Variants in ADAMTSL1 observed in about 807,000 individuals in gnomAD.
ADAMTSL1 encodes the protein ADAMTS like 1.
In ADAMTSL1, 126 loss-of-function variants were observed where a neutral mutation model predicts 201.8. That is an observed-to-expected ratio of 0.62 (90% CI 0.54 to 0.72). The LOEUF (loss-of-function observed/expected upper bound fraction) is 0.72, where lower values mean the gene tolerates loss of function less well. Ranked by LOEUF, ADAMTSL1 falls within the 30% of genes least tolerant of loss-of-function variation. The pLI is 0.00. For missense variants in ADAMTSL1, 2,679 were observed against 2,277.8 expected (o/e 1.18, Z -3.59); for synonymous variants, 1,121 against 903.4 (o/e 1.24, Z -4.32).
At chr9:18,725,743 C>G (rs1050303493) in intron 15 of ADAMTSL1, among the ~76,000 whole-genome samples, 4 of 152,112 alleles carry the variant, frequency 2.6e-5, no homozygotes, top group Non-Finnish European at 5.9e-5. Flanking sequence ...AGTTCTAGTT[C>G]CTTCTTATAC....
At chr9:18,199,934 G>C (rs1339657055) in intron 2 of ADAMTSL1, among the ~76,000 whole-genome samples, 2 of 151,948 alleles carry the variant, frequency 1.3e-5, no homozygotes, top group South Asian at 2.1e-4. Flanking sequence ...GTGGTCATTA[G>C]TCTTATATAA....
chr9:18,189,914 A>G (rs1828901343), intron 2 of ADAMTSL1, among the ~76,000 whole-genome samples: 1 of 152,232 alleles, frequency 6.6e-6, no homozygotes, highest in Non-Finnish European at 1.5e-5. Flanking sequence ...AGTAAGTCAA[A>G]TAAGCATATT....
chr9:18,718,150 C>G (rs1833078189), intron 14 of ADAMTSL1: 1 of 853,380 alleles, frequency 1.2e-6, no homozygotes, highest in Non-Finnish European at 2.1e-6. Context: ...TCTTCCTTCC[C>G]TACAGCTCTT....
chr9:18,261,623 G>A (rs1385265472), intron 2 of ADAMTSL1, among the ~76,000 whole-genome samples: 2 of 152,154 alleles, frequency 1.3e-5, no homozygotes, highest in East Asian at 3.8e-4. Flanking sequence ...ACAGTTAAAG[G>A]TGCTGGATTA....
intron 7 of ADAMTSL1, among the ~76,000 whole-genome samples, chr9:18,646,159 T>C (rs1307952685): frequency 1.3e-5 from 2 of 151,796 alleles, no homozygotes; most frequent in East Asian, 1.9e-4. Context: ...CAATTGTGAA[T>C]CGGAGTTCAC....
chr9:18,093,213 G>A (rs1162689470), intron 1 of ADAMTSL1, among the ~76,000 whole-genome samples: 1 of 151,914 alleles, frequency 6.6e-6, no homozygotes, highest in Non-Finnish European at 1.5e-5. Flanking sequence ...AAGAAATATA[G>A]TAAAGAAAAA....
At chr9:18,618,760 G>T (rs959887076) in intron 4 of ADAMTSL1, among the ~76,000 whole-genome samples, 1 of 152,118 alleles carries the variant, frequency 6.6e-6, no homozygotes, top group Non-Finnish European at 1.5e-5. Flanking sequence ...GCATTCCCCA[G>T]CCAAGTCAGC....
At chr9:18,710,044 A>C (rs1412516461) in intron 14 of ADAMTSL1, among the ~76,000 whole-genome samples, 1 of 152,184 alleles carries the variant, frequency 6.6e-6, no homozygotes, top group Admixed American at 6.5e-5. Flanking sequence ...TTGATGAGCT[A>C]ACTTCTCACA....
intron 9 of ADAMTSL1, among the ~76,000 whole-genome samples, chr9:18,666,916 G>A (rs1365171882): frequency 6.6e-6 from 1 of 150,956 alleles, no homozygotes; most frequent in East Asian, 1.9e-4. Flanking sequence ...GTTACACTTT[G>A]TGAGACAATC....
intron 23 of ADAMTSL1, among the ~76,000 whole-genome samples, chr9:18,854,570 T>C (rs559851397): frequency 6.6e-6 from 1 of 152,336 alleles, no homozygotes; most frequent in East Asian, 1.9e-4. Flanking sequence ...AGTTTATTTC[T>C]TGACTATTCA....
intron 1 of ADAMTSL1, among the ~76,000 whole-genome samples, chr9:18,499,909 C>T (rs1339699515): frequency 6.6e-6 from 1 of 152,164 alleles, no homozygotes; most frequent in Non-Finnish European, 1.5e-5. Flanking sequence ...TTTCATATAG[C>T]TTGACCTCTT....
At chr9:18,454,654 C>A (rs1587263777) in intron 2 of ADAMTSL1, among the ~76,000 whole-genome samples, 1 of 152,142 alleles carries the variant, frequency 6.6e-6, no homozygotes, top group South Asian at 2.1e-4. Context: ...AAACAGAGTT[C>A]CAATCCCACT....
chr9:18,121,986 G>T (rs528771829), intron 1 of ADAMTSL1, among the ~76,000 whole-genome samples: 3 of 152,048 alleles, frequency 2.0e-5, no homozygotes, highest in Non-Finnish European at 4.4e-5. Flanking sequence ...GACATAAAAG[G>T]CCATATATCA....
intron 1 of ADAMTSL1, among the ~76,000 whole-genome samples, chr9:17,942,970 G>A (rs548185721): frequency 1.3e-5 from 2 of 152,080 alleles, no homozygotes; most frequent in Admixed American, 1.3e-4. Context: ...CATCTAGGCT[G>A]GAGTGCAGTG....
At chr9:18,226,416 T>G (rs1830435357) in intron 2 of ADAMTSL1, among the ~76,000 whole-genome samples, 1 of 152,184 alleles carries the variant, frequency 6.6e-6, no homozygotes. Context: ...CATCAGTTCT[T>G]AGGGATTCTA....
At chr9:18,489,947 T>C (rs191703987) in intron 1 of ADAMTSL1, among the ~76,000 whole-genome samples, 3 of 152,310 alleles carry the variant, frequency 2.0e-5, no homozygotes, top group South Asian at 2.1e-4. Context: ...TGCCTCATAG[T>C]AGTATTATGA....
intron 3 of ADAMTSL1, among the ~76,000 whole-genome samples, chr9:18,568,567 G>A (rs934541656): frequency 2.0e-5 from 3 of 152,086 alleles, no homozygotes; most frequent in Non-Finnish European, 4.4e-5. Context: ...GTGGTTATCC[G>A]CAGTTGTTGG....
chr9:18,200,510 A>T (rs973969690), intron 2 of ADAMTSL1, among the ~76,000 whole-genome samples: 12 of 152,078 alleles, frequency 7.9e-5, no homozygotes, highest in Non-Finnish European at 1.6e-4. Context: ...CAGATAATAA[A>T]CGCATACATT....
intron 2 of ADAMTSL1, among the ~76,000 whole-genome samples, chr9:18,398,397 C>CTACTTTAGTCT (rs1817834042): frequency 6.6e-6 from 1 of 152,114 alleles, no homozygotes; most frequent in African/African-American, 2.4e-5. Context: ...AAATTTTCTT[C>CTACTTTAGTCT]TACTTTAGTC....
Sources: gnomAD v4.1 joint callset for allele counts (sites outside exome capture counted in the v4.1 genomes callset) on GRCh38, gnomAD v4.1.1 for gene constraint, MANE v1.5 for transcripts, NCBI Gene and HGNC (gene_info 2026-07-23, HGNC 2026-07-21) for gene names.